Variants in TATDN1 observed in about 807,000 individuals in gnomAD.
TATDN1 encodes deoxyribonuclease TATDN1.
A neutral mutation model predicts 46.4 loss-of-function variants in TATDN1; 40 were observed. The observed-to-expected ratio is 0.86, with a 90% CI of 0.67 to 1.12. The LOEUF (loss-of-function observed/expected upper bound fraction) is 1.12. Among genes scored for constraint, TATDN1 ranks in the 50% most tolerant of loss-of-function variants. TATDN1 has a pLI of 0.00. For missense variants in TATDN1, 326 were observed against 348.4 expected, an observed-to-expected ratio of 0.94 and a Z score of 0.51; for synonymous variants, 95 against 105.6, an observed-to-expected ratio of 0.90 and a Z score of 0.62.
chr8:124,538,856 G>T, intron 1 of TATDN1, 169 bp downstream of exon 1: 1 of 701,160 alleles, frequency 1.4e-6, no homozygotes, highest in South Asian at 1.6e-5. Flanking sequence ...CCTAGATCAA[G>T]AACCAGAGCA....
At chr8:124,536,868 T>C (rs555412074) in intron 1 of TATDN1, among the ~76,000 whole-genome samples, 5 of 151,858 alleles carry the variant, frequency 3.3e-5, no homozygotes, top group African/African-American at 4.8e-5. Flanking sequence ...ATACCAAGGA[T>C]AGAATGCATA....
Position 124,493,087 on chromosome 8 carries a change from C to T in TATDN1, c.791+746G>A, listed in dbSNP as rs372614232. On this transcript the variant is annotated intron_variant, in intron 11 of 11. Transcript: ENST00000276692. ...TCTAATACTCTTTTCCTGTTAAAAA[C>T]TACTGAAAAAAAAGATGGTGCATAT... is the stretch of plus-strand genomic sequence containing the variant. Among the ~76,000 whole-genome samples the T allele has an allele frequency of 1.4e-4, 21 of 152,154 alleles. No homozygotes were observed. The South Asian group carries it at 4.4e-3, about 32-fold the overall frequency.
intron 1 of TATDN1, chr8:124,538,206 TGCTA>T (rs1821651385): frequency 6.6e-6 from 1 of 152,268 alleles, no homozygotes. Flanking sequence ...AACACTCAGC[TGCTA>T]AATGCTGCAC....
At chr8:124,521,960 T>C (rs1820083159) in intron 3 of TATDN1, 191 bp downstream of exon 3, 2 of 446,612 alleles carry the variant, frequency 4.5e-6, no homozygotes, top group African/African-American at 2.1e-5. Flanking sequence ...TACATGAGAT[T>C]TGTGTAACTT....
At chr8:124,532,181 T>C (rs1368962070) in intron 1 of TATDN1, among the ~76,000 whole-genome samples, 1 of 152,162 alleles carries the variant, frequency 6.6e-6, no homozygotes, top group Non-Finnish European at 1.5e-5. Context: ...CACTAGGTGG[T>C]TGCCTTCGCT....
rs200330253 is a variant in TATDN1, at chr8:124,522,940, G to C, written c.85C>G (p.Gln29Glu). ...CCTTAATAAAGGAAATATTTACCTTGATGCTTTTGAACCCCCCTATAAATT... is the reference window on the plus strand; with the variant it reads ...CCTTAATAAAGGAAATATTTACCTTCATGCTTTTGAACCCCCCTATAAATT... ...RGIYRGVQKHQDDLQDVIGRA... is the reference protein window; with the variant it reads ...RGIYRGVQKHEDDLQDVIGRA... The change falls in exon 2 of 12, where the codon CAA becomes GAA. Residue 29 changes from glutamine (Q) to glutamate (E), a missense_variant. Physicochemically the swap from Gln to Glu is conservative, Grantham distance 29. Coordinates refer to ENST00000276692, the MANE Select transcript of TATDN1 (RefSeq NM_032026.4). 4.3e-6 allele frequency: 7 copies of C among 1,612,326 alleles called. No homozygotes were observed. The highest frequency in any genetic ancestry group is 1.1e-5 in the South Asian group (1 of 91,022).
chr8:124,537,225 A>G (rs1821516307), intron 1 of TATDN1, among the ~76,000 whole-genome samples: 1 of 152,218 alleles, frequency 6.6e-6, no homozygotes, highest in Non-Finnish European at 1.5e-5. Flanking sequence ...ATACCATACC[A>G]GTATCTGCCT....
In TATDN1 at chr8:124,536,331, G is replaced by C. The variant is rs556547073; in HGVS notation, c.22+2694C>G. On this transcript the variant is annotated intron_variant, in intron 1 of 11. Coordinates refer to ENST00000276692, the MANE Select transcript of TATDN1 (RefSeq NM_032026.4). ...TTTGGGAGGCGGAGGTGGAAGGACT[G>C]CTTAAGGCCAGCAATTCAAGACCAG... Among the ~76,000 whole-genome samples, 26 of 152,270 alleles carry C rather than the reference G, an allele frequency of 1.7e-4. 1 individual carries two copies. In the South Asian group the frequency reaches 3.5e-3, roughly 21 times the overall value.
intron 11 of TATDN1, 111 bp downstream of exon 11, chr8:124,493,722 G>A (rs1817216816): frequency 7.7e-7 from 1 of 1,295,586 alleles, no homozygotes; most frequent in Non-Finnish European, 1.1e-6. Context: ...TCTTGAACCT[G>A]AACTTCACTT....
At chr8:124,536,395 A>G (rs779760006) in intron 1 of TATDN1, among the ~76,000 whole-genome samples, 7 of 152,308 alleles carry the variant, frequency 4.6e-5, no homozygotes, top group Admixed American at 1.3e-4. Flanking sequence ...CTACAAAAAA[A>G]AATTAGCCTG....
intron 1 of TATDN1, among the ~76,000 whole-genome samples, chr8:124,538,040 C>T (rs1346192316): frequency 2.0e-5 from 3 of 152,170 alleles, no homozygotes; most frequent in Non-Finnish European, 4.4e-5. Flanking sequence ...GCCCAGATAT[C>T]TCTACCTGGA....
intron 3 of TATDN1, among the ~76,000 whole-genome samples, chr8:124,520,879 C>T (rs1819978584): frequency 7.0e-6 from 1 of 143,730 alleles, no homozygotes; most frequent in Non-Finnish European, 1.5e-5. Flanking sequence ...GGAGGCAGAG[C>T]TTGCAGTGAG....
At chr8:124,517,765 A>G (rs907486266) in intron 4 of TATDN1, among the ~76,000 whole-genome samples, 1 of 152,214 alleles carries the variant, frequency 6.6e-6, no homozygotes, top group African/African-American at 2.4e-5. Context: ...ATATAGTGTT[A>G]TTATTTGCAT....
intron 1 of TATDN1, 75 bp from the exon 2 acceptor site, chr8:124,523,077 T>C (rs1377946779): frequency 1.4e-5 from 19 of 1,361,498 alleles, no homozygotes; most frequent in Middle Eastern, 2.4e-4. Flanking sequence ...AAGCTTCTGT[T>C]ACTAAACTTT....
At position 124,531,409 on chromosome 8, in the gene TATDN1, C is replaced by A. The variant is rs557404204; in HGVS notation, c.22+7616G>T. Among the ~76,000 whole-genome samples the A allele has an allele frequency of 2.0e-5, 3 of 152,210 alleles. No homozygotes were observed. The East Asian group carries it at 5.8e-4, about 29-fold the overall frequency. On this transcript the variant is annotated intron_variant, in intron 1 of 11. Coordinates refer to ENST00000276692, the MANE Select transcript of TATDN1 (RefSeq NM_032026.4). ...GATCCCATTAGACTGTTCAACTAGC[C>A]CAGAGGACTGGGGGTAATAGGCACA...
At chr8:124,491,036 G>A (rs1162449546) in intron 11 of TATDN1, 2 of 151,980 alleles carry the variant, frequency 1.3e-5, no homozygotes, top group Non-Finnish European at 2.9e-5. Context: ...TGCCTGCCTC[G>A]GCCTCCCAAA....
chr8:124,508,044 A>T lies in TATDN1; in HGVS notation c.516+430T>A, dbSNP rs188494748. Among the ~76,000 whole-genome samples, 862 of 152,306 alleles carry T rather than the reference A, an allele frequency of 5.7e-3. 10 individuals are homozygous for T. The highest frequency in any genetic ancestry group is 0.02 in the African/African-American group (811 of 41,558). On this transcript the variant is annotated intron_variant, in intron 8 of 11. Transcript: ENST00000276692. The stretch of plus-strand genomic sequence containing the variant: ...TCTTTGTTATTCCTTTTTAAAAAAA[A>T]TTTAAATGTTGACATCTGAATTAGG...
rs781079145 is a variant in TATDN1 at position 124,522,945 on chromosome 8, T to A, written c.80A>T (p.Lys27Met). The A allele has an allele frequency of 6.2e-7, 1 of 1,612,948 alleles. No individual in the cohort carries two copies. The highest frequency in any genetic ancestry group is 2.2e-5 in the East Asian group (1 of 44,868). ...MFRGIYRGVQ[K>M]HQDDLQDVIG... ...ATAAAGGAAATATTTACCTTGATGC[T>A]TTTGAACCCCCCTATAAATTCCTCT... is the stretch of plus-strand genomic sequence containing the variant. Residue 27 changes from lysine to methionine, a missense_variant, in exon 2 of 12, where the codon AAG becomes ATG. Transcript: ENST00000276692.
At chr8:124,510,396 G>A (rs1464448996) in intron 6 of TATDN1, among the ~76,000 whole-genome samples, 3 of 152,132 alleles carry the variant, frequency 2.0e-5, no homozygotes, top group Non-Finnish European at 2.9e-5. Flanking sequence ...ACTGCTCCAC[G>A]CTGTACTGGT....
Sources: gnomAD v4.1 joint callset for allele counts (sites outside exome capture counted in the v4.1 genomes callset) on GRCh38, gnomAD v4.1.1 for gene constraint, MANE v1.5 for transcripts, NCBI Gene and HGNC (gene_info 2026-07-23, HGNC 2026-07-21) for gene names.